Variants in USP43 observed in about 807,000 individuals in gnomAD.
USP43 encodes the protein ubiquitin specific peptidase 43, also known as ubiquitin carboxyl-terminal hydrolase 43.
In USP43, 33 loss-of-function variants were observed where a neutral mutation model predicts 90.7. The ratio of observed to expected loss-of-function variants is 0.36; its 90% CI spans 0.28 to 0.49. The LOEUF is 0.49. USP43 is among the 20% of genes least tolerant of loss of function. The pLI is 0.98. For synonymous variants in USP43, 598 were observed against 615.8 expected (o/e 0.97, Z 0.43); for missense variants, 1,274 against 1,476.4 (o/e 0.86, Z 2.25).
intron 12 of USP43, among the ~76,000 whole-genome samples, chr17:9,703,613 C>T (rs936835181): frequency 1.3e-5 from 2 of 152,162 alleles, no homozygotes; most frequent in African/African-American, 4.8e-5. Context: ...GGGAGAGGAG[C>T]CCAAGGGAAA....
At chr17:9,721,659 T>C (rs1706703521) in intron 14 of USP43, among the ~76,000 whole-genome samples, 2 of 151,992 alleles carry the variant, frequency 1.3e-5, no homozygotes, top group African/African-American at 4.8e-5. Context: ...TGTCTTTAAA[T>C]GTACCTTCTC....
At chr17:9,680,934 C>G (rs1033186896) in intron 6 of USP43, among the ~76,000 whole-genome samples, 2 of 148,068 alleles carry the variant, frequency 1.4e-5, no homozygotes, top group Non-Finnish European at 3.0e-5. Context: ...TCTAACAGTC[C>G]TTTTTATTTG....
At chr17:9,680,398 G>T (rs1914087648) in intron 6 of USP43, 32 bp downstream of exon 6, 2 of 1,610,406 alleles carry the variant, frequency 1.2e-6, no homozygotes, top group Non-Finnish European at 1.7e-6. Context: ...ATTTTATTTG[G>T]CTATGATGAG....
At chr17:9,651,592 G>A (rs943664723) in intron 1 of USP43, among the ~76,000 whole-genome samples, 2 of 152,180 alleles carry the variant, frequency 1.3e-5, no homozygotes, top group East Asian at 1.9e-4. Flanking sequence ...GGAAGATTTC[G>A]ATTTATTTAT....
intron 2 of USP43, among the ~76,000 whole-genome samples, chr17:9,657,066 A>AC (rs781706717): frequency 2.6e-5 from 4 of 152,340 alleles, no homozygotes; most frequent in African/African-American, 4.8e-5. Context: ...AAGCACAGCT[A>AC]ATTGATACAT....
At chr17:9,697,385 A>C (rs915845134) in intron 9 of USP43, among the ~76,000 whole-genome samples, 1 of 151,300 alleles carries the variant, frequency 6.6e-6, no homozygotes, top group Non-Finnish European at 1.5e-5. Context: ...TTTTACATGG[A>C]TATATCATGT....
intron 12 of USP43, among the ~76,000 whole-genome samples, chr17:9,705,990 A>G (rs1248055062): frequency 6.6e-6 from 1 of 152,196 alleles, no homozygotes; most frequent in African/African-American, 2.4e-5. Context: ...CTGGTTCTCT[A>G]TAGCCTCTCC....
At chr17:9,648,938 CCTCTCT>C (rs112759856) in intron 1 of USP43, among the ~76,000 whole-genome samples, 6 of 129,806 alleles carry the variant, frequency 4.6e-5, no homozygotes, top group Non-Finnish European at 9.7e-5. Flanking sequence ...TGTCTCTCTC[CCTCTCT>C]CTCTCTCTCT....
chr17:9,649,750 A>G (rs1911731293), intron 1 of USP43, among the ~76,000 whole-genome samples: 1 of 151,856 alleles, frequency 6.6e-6, no homozygotes, highest in Non-Finnish European at 1.5e-5. Context: ...AGAGATAACC[A>G]TTGTAAATAT....
intron 3 of USP43, among the ~76,000 whole-genome samples, chr17:9,673,858 A>T (rs911683351): frequency 6.6e-6 from 1 of 152,178 alleles, no homozygotes; most frequent in African/African-American, 2.4e-5. Flanking sequence ...TTCTTAGTAC[A>T]TGCTATTTCC....
At position 9,680,228 on chromosome 17, in the gene USP43, C is replaced by T; in HGVS notation, c.970-3C>T. The T allele has an allele frequency of 6.2e-7, 1 of 1,612,198 alleles. No homozygotes were observed. Among genetic ancestry groups the T allele is most frequent in the Non-Finnish European group, 8.5e-7 (1 of 1,179,250 alleles). ...AGAGGGAAAATGATCTTTCTCATTT[C>T]AGGTGATCTTGGTTGAACTGTATCC... On this transcript the variant is annotated splice_polypyrimidine_tract_variant and splice_region_variant and intron_variant, in intron 5 of 14. Transcript: ENST00000285199.
At chr17:9,681,618 C>T (rs1170364763) in intron 6 of USP43, among the ~76,000 whole-genome samples, 1 of 148,984 alleles carries the variant, frequency 6.7e-6, no homozygotes, top group Non-Finnish European at 1.5e-5. Flanking sequence ...CTCAGCCTCC[C>T]AAGTAGCTGG....
At position 9,728,946 on chromosome 17, in the gene USP43, C is replaced by G. The variant is rs780697443; in HGVS notation, c.3328C>G (p.Leu1110Val). 16 of 1,597,964 alleles carry G rather than the reference C, an allele frequency of 1.0e-5. No homozygotes were observed. Among genetic ancestry groups the G allele is most frequent in the African/African-American group, 4.0e-5 (3 of 74,342 alleles). The change falls in exon 15 of 15, where the codon CTT (leucine) becomes GTT (valine). Residue 1110 changes from leucine to valine, a missense_variant. Leu to Val is a conservative substitution (Grantham distance 32). Coordinates refer to ENST00000285199, the MANE Select transcript of USP43 (RefSeq NM_153210.5). This position sits in a 1 kb window ranked among gnomAD's most constrained non-coding sequence, Gnocchi z 6.2. ...GTFQRVKYHT[L>V]SLGRKKTLPE... Reference sequence around the variant, plus strand: ...CTTTCAGAGAGTCAAATATCACACTCTTTCTTTAGGTCGAAAGAAAACCTT... The same window carrying G: ...CTTTCAGAGAGTCAAATATCACACTGTTTCTTTAGGTCGAAAGAAAACCTT...
At chr17:9,681,462 T>TATTTTATATA (rs1555550104) in intron 6 of USP43, among the ~76,000 whole-genome samples, 1 of 18,578 alleles carries the variant, frequency 5.4e-5, no homozygotes, top group East Asian at 3.6e-3. Flanking sequence ...ATAAAATATA[T>TATTTTATATA]TATATATATA....
rs76148661 is a variant in USP43, at chr17:9,651,728, T to C, written c.505-4675T>C. ...CATCAATTTTAGATCTACAGTGATA[T>C]ACTGGAGACTTGGCTTTTTAAAAAC... On this transcript the variant is annotated intron_variant, in intron 1 of 14. Coordinates refer to ENST00000285199, the MANE Select transcript of USP43 (RefSeq NM_153210.5). 1.9e-3 allele frequency among the ~76,000 whole-genome samples: 290 copies of C among 152,358 alleles called. 2 individuals are homozygous for C. The East Asian group carries it at 0.043, about 23-fold the overall frequency.
In USP43 at chr17:9,666,793, C is replaced by T. The variant is rs377363468; in HGVS notation, c.740+42C>T. ...TTTAGAATGTATCACCCGAGGGCTC[C>T]GCAGACTCAATTCCTGGTAACCAGT... On this transcript the variant is annotated intron_variant, in intron 3 of 14. Transcript: ENST00000285199. 1.6e-4 allele frequency: 244 copies of T among 1,496,788 alleles called. 1 individual carries two copies. The highest frequency in any genetic ancestry group is 1.6e-3 in the South Asian group (135 of 84,674). The allele number at this position is 1,496,788 out of a possible 1,614,324, so 92.7% of individuals were successfully genotyped here. A position where few individuals can be genotyped will look rare whatever the true frequency, so the allele number is the denominator to read the frequency against.
intron 14 of USP43, among the ~76,000 whole-genome samples, chr17:9,715,977 G>A (rs1318920541): frequency 2.6e-5 from 4 of 151,540 alleles, no homozygotes; most frequent in Non-Finnish European, 1.5e-5. Context: ...ATATGTGTGT[G>A]TGTCTGTGTT....
At chr17:9,717,389 G>GTA in intron 14 of USP43, among the ~76,000 whole-genome samples, 1 of 151,642 alleles carries the variant, frequency 6.6e-6, no homozygotes, top group African/African-American at 2.4e-5. Context: ...GTGTGTGTGT[G>GTA]TGTATTCATC....
chr17:9,714,855 G>C (rs1322410933), intron 14 of USP43, among the ~76,000 whole-genome samples: 1 of 152,120 alleles, frequency 6.6e-6, no homozygotes, highest in Non-Finnish European at 1.5e-5. Context: ...TCTTAAGGAA[G>C]CAGCCAACTG....
Sources: gnomAD v4.1 joint callset for allele counts (sites outside exome capture counted in the v4.1 genomes callset) on GRCh38, gnomAD v4.1.1 for gene constraint, Gnocchi (gnomAD v3.1) non-coding constraint, MANE v1.5 for transcripts, NCBI Gene and HGNC (gene_info 2026-07-23, HGNC 2026-07-21) for gene names.